The following PDE4D variants were observed in gnomAD, a reference collection of about 807,000 sequenced individuals.
The protein encoded by PDE4D is 3',5'-cyclic-AMP phosphodiesterase 4D.
Under a neutral mutation model 87.4 loss-of-function variants are expected in PDE4D, and 24 were observed. That is an observed-to-expected ratio of 0.27 (90% CI 0.20 to 0.39). The LOEUF (loss-of-function observed/expected upper bound fraction) is 0.39. PDE4D is among the 10% of genes least tolerant of loss of function. The pLI is 1.00. For missense variants in PDE4D, 714 were observed against 1,041.0 expected (o/e 0.69, Z 4.32); for synonymous variants, 384 against 383.2 (o/e 1.00, Z -0.02).
intron 2 of PDE4D, among the ~76,000 whole-genome samples, chr5:60,008,238 C>T (rs1247788791): frequency 6.6e-6 from 1 of 151,814 alleles, no homozygotes; most frequent in Non-Finnish European, 1.5e-5. Flanking sequence ...CCTTTTTTAT[C>T]CCCCCGGGTG....
chr5:59,695,317 C>T (rs889789872), intron 1 of PDE4D, among the ~76,000 whole-genome samples: 1 of 151,942 alleles, frequency 6.6e-6, no homozygotes, highest in African/African-American at 2.4e-5. Context: ...TAGCTCCTCA[C>T]AGTATATTAC....
chr5:60,188,908 T>C (rs186232974), intron 1 of PDE4D, among the ~76,000 whole-genome samples: 6 of 152,314 alleles, frequency 3.9e-5, no homozygotes, highest in Non-Finnish European at 7.4e-5. Flanking sequence ...ATTTTAATTA[T>C]GAACAAGTGG....
chr5:60,479,296 T>C (rs1264469626), intron 1 of PDE4D, among the ~76,000 whole-genome samples: 3 of 152,214 alleles, frequency 2.0e-5, no homozygotes, highest in African/African-American at 7.2e-5. Context: ...TATATAATTT[T>C]GCATCATGTT....
chr5:59,822,055 A>G (rs1476698465), intron 1 of PDE4D, among the ~76,000 whole-genome samples: 1 of 152,204 alleles, frequency 6.6e-6, no homozygotes, highest in Non-Finnish European at 1.5e-5. Flanking sequence ...CACAAATTGT[A>G]TATAATGATT....
intron 1 of PDE4D, among the ~76,000 whole-genome samples, chr5:60,255,146 C>G (rs1198358304): frequency 6.6e-6 from 1 of 151,834 alleles, no homozygotes. Context: ...ATTGTTCAAC[C>G]CATTCAGCTG....
chr5:59,364,382 G>T (rs1264742392), intron 1 of PDE4D, among the ~76,000 whole-genome samples: 1 of 77,868 alleles, frequency 1.3e-5, no homozygotes, highest in African/African-American at 3.3e-5. Flanking sequence ...TTTTATATTA[G>T]AGATTTTTAA....
intron 1 of PDE4D, among the ~76,000 whole-genome samples, chr5:60,425,343 C>A (rs1049426180): frequency 6.6e-6 from 1 of 152,032 alleles, no homozygotes; most frequent in African/African-American, 2.4e-5. Flanking sequence ...GAGATATAGA[C>A]CAAGAAATAG....
At chr5:59,014,828 A>C (rs1006232675) in intron 6 of PDE4D, among the ~76,000 whole-genome samples, 9 of 152,188 alleles carry the variant, frequency 5.9e-5, no homozygotes, top group Non-Finnish European at 1.2e-4. Flanking sequence ...AATCCTAAGC[A>C]AAAAGAACAA....
intron 1 of PDE4D, among the ~76,000 whole-genome samples, chr5:59,855,215 A>AC (rs1446867087): frequency 1.3e-5 from 2 of 152,060 alleles, no homozygotes; most frequent in Non-Finnish European, 1.5e-5. Context: ...AACTTGATGT[A>AC]CCCCTAGGTC....
chr5:59,724,680 G>C (rs1756344129), intron 1 of PDE4D, among the ~76,000 whole-genome samples: 1 of 152,062 alleles, frequency 6.6e-6, no homozygotes, highest in South Asian at 2.1e-4. Flanking sequence ...CTCCCAAAGT[G>C]GGTGTGAGTG....
Position 58,989,934 on chromosome 5 carries a change from A to C in PDE4D, c.1288-15T>G. On this transcript the variant is annotated splice_polypyrimidine_tract_variant and intron_variant, in intron 9 of 14. Coordinates refer to ENST00000340635, the MANE Select transcript of PDE4D (RefSeq NM_001104631.2). The stretch of plus-strand genomic sequence containing the variant: ...AAATCCCGTTCCTGTAGGAAAAAAA[A>C]TCATCTTAACATTTTTGTCTTTATG... 1 of 1,461,042 alleles carries C rather than the reference A, an allele frequency of 6.8e-7. No homozygotes were observed. The highest frequency in any genetic ancestry group is 2.3e-5 in the East Asian group (1 of 43,732). 90.5% of individuals were successfully genotyped at this position (1,461,042 alleles called of 1,614,324 possible). A position where few individuals can be genotyped will look rare whatever the true frequency, so the allele number is the denominator to read the frequency against.
intron 3 of PDE4D, among the ~76,000 whole-genome samples, chr5:59,899,234 T>C (rs1283839096): frequency 6.6e-6 from 1 of 152,182 alleles, no homozygotes; most frequent in African/African-American, 2.4e-5. Flanking sequence ...TCTGCCAATG[T>C]TGAGAATAGC....
At chr5:60,441,929 G>T (rs1190339800) in intron 1 of PDE4D, among the ~76,000 whole-genome samples, 1 of 151,910 alleles carries the variant, frequency 6.6e-6, no homozygotes, top group Non-Finnish European at 1.5e-5. Flanking sequence ...TCATTAAAAA[G>T]TCAGGAAACA....
intron 1 of PDE4D, among the ~76,000 whole-genome samples, chr5:59,879,615 A>C (rs1334495307): frequency 1.3e-5 from 2 of 152,240 alleles, no homozygotes; most frequent in Non-Finnish European, 2.9e-5. Flanking sequence ...AGAAGATCCA[A>C]AATACTCATT....
At chr5:60,519,601 T>G (rs1277456475) in intron 1 of PDE4D, among the ~76,000 whole-genome samples, 3 of 150,066 alleles carry the variant, frequency 2.0e-5, no homozygotes, top group Non-Finnish European at 4.5e-5. Context: ...AGCGTCCTGT[T>G]TGGAAAAAAA....
intron 1 of PDE4D, among the ~76,000 whole-genome samples, chr5:59,310,097 C>T (rs1772270277): frequency 6.6e-6 from 1 of 152,170 alleles, no homozygotes; most frequent in Admixed American, 6.5e-5. Flanking sequence ...AGAGTCTGTA[C>T]TGAGTAGACC....
At chr5:60,164,424 G>T (rs1391481472) in intron 2 of PDE4D, among the ~76,000 whole-genome samples, 2 of 152,056 alleles carry the variant, frequency 1.3e-5, no homozygotes, top group Non-Finnish European at 2.9e-5. Flanking sequence ...AAATCTGAAA[G>T]TTAATTATTT....
intron 1 of PDE4D, among the ~76,000 whole-genome samples, chr5:59,423,610 G>C (rs954709926): frequency 6.6e-6 from 1 of 152,136 alleles, no homozygotes; most frequent in African/African-American, 2.4e-5. Flanking sequence ...TTTGGAAATA[G>C]AAAATTATGA....
At chr5:59,822,109 A>G (rs1225401418) in intron 1 of PDE4D, among the ~76,000 whole-genome samples, 1 of 152,208 alleles carries the variant, frequency 6.6e-6, no homozygotes, top group African/African-American at 2.4e-5. Context: ...TGTTTATTTA[A>G]TCTGATACTG....
Sources: gnomAD v4.1 joint callset for allele counts (sites outside exome capture counted in the v4.1 genomes callset) on GRCh38, gnomAD v4.1.1 for gene constraint, MANE v1.5 for transcripts, NCBI Gene and HGNC (gene_info 2026-07-23, HGNC 2026-07-21) for gene names.